CNKSR3: variants seen among roughly 807,000 people sequenced by gnomAD.
CNKSR3 encodes CNKSR family member 3.
In CNKSR3, 36 loss-of-function variants were observed where a neutral mutation model predicts 67.7. The observed-to-expected ratio is 0.53, with a 90% CI of 0.41 to 0.70. The LOEUF is 0.70. CNKSR3 is among the 30% of genes least tolerant of loss of function. The pLI is 0.00. For missense variants in CNKSR3, 630 were observed against 695.2 expected, an observed-to-expected ratio of 0.91 and a Z score of 1.05; for synonymous variants, 281 against 271.4, an observed-to-expected ratio of 1.04 and a Z score of -0.35.
Position 154,510,322 on chromosome 6 carries a change from C to G in CNKSR3, c.-208G>C, listed in dbSNP as rs1787190558. The G allele has an allele frequency of 1.8e-6, 1 of 566,332 alleles. No individual in the cohort carries two copies. Among genetic ancestry groups the G allele is most frequent in the Non-Finnish European group, 3.1e-6 (1 of 323,286 alleles). The allele number at this position is 566,332 out of a possible 1,614,324, so 35.1% of individuals were successfully genotyped here. A position where few individuals can be genotyped will look rare whatever the true frequency, so the allele number is the denominator to read the frequency against. On this transcript the variant is annotated 5_prime_UTR_variant, in exon 1 of 13. Coordinates refer to ENST00000607772, the MANE Select transcript of CNKSR3 (RefSeq NM_173515.4). ...GCCCTCTCCCTCCAGCTGCCACAGT[C>G]CAGCTGCAGCTCCTCCTTCCCCCGC...
intron 1 of CNKSR3, among the ~76,000 whole-genome samples, chr6:154,488,192 A>G (rs1342667634): frequency 1.3e-5 from 2 of 152,202 alleles, no homozygotes; most frequent in African/African-American, 4.8e-5. Flanking sequence ...ACCACCAAAG[A>G]TGATAATTAC....
intron 4 of CNKSR3, among the ~76,000 whole-genome samples, chr6:154,434,932 G>A (rs1345476145): frequency 1.3e-5 from 2 of 151,078 alleles, no homozygotes; most frequent in African/African-American, 4.9e-5. Context: ...ATACATATGT[G>A]ATCGTGTGCT....
chr6:154,438,231 TTG>T (rs1171579189), intron 4 of CNKSR3, among the ~76,000 whole-genome samples: 5 of 152,200 alleles, frequency 3.3e-5, no homozygotes, highest in Non-Finnish European at 7.3e-5. Flanking sequence ...ATAAAATTTT[TTG>T]TTCTCTTTTT....
At position 154,388,566 on chromosome 6, in the gene CNKSR3, T is replaced by C. The variant is rs1390250357; in HGVS notation, c.*17788A>G. ...GCTAGGTCACATGGCAGTTCTATTT[T>C]TACATTTTTTAGGAACACCCATACT... On this transcript the variant is annotated 3_prime_UTR_variant, in exon 13 of 13. Transcript: ENST00000607772. 1 of 152,196 alleles carries C rather than the reference T, an allele frequency of 6.6e-6. No individual in the cohort carries two copies. Among genetic ancestry groups the C allele is most frequent in the Non-Finnish European group, 1.5e-5 (1 of 68,026 alleles). The allele number at this position is 152,196 out of a possible 1,614,324, so 9.4% of individuals were successfully genotyped here.
In CNKSR3 at chr6:154,426,868, T is replaced by C. The variant is rs180752290; in HGVS notation, c.729+1260A>G. On this transcript the variant is annotated intron_variant, in intron 7 of 12. Transcript: ENST00000607772. ...CTAAAAACTGAAAAGACATTCACCATGTTTCTCTTCCATACAAACAGATAT... is the reference window on the plus strand; with the variant it reads ...CTAAAAACTGAAAAGACATTCACCACGTTTCTCTTCCATACAAACAGATAT... 2.6e-5 allele frequency among the ~76,000 whole-genome samples: 4 copies of C among 152,348 alleles called. No individual in the cohort carries two copies. In the East Asian group the frequency reaches 5.8e-4, roughly 22 times the overall value.
chr6:154,499,037 T>G (rs1046146463), intron 1 of CNKSR3, among the ~76,000 whole-genome samples: 5 of 152,110 alleles, frequency 3.3e-5, no homozygotes, highest in Non-Finnish European at 7.3e-5. Context: ...GCCCCTTCTG[T>G]GTGTTCCTGG....
chr6:154,419,948 C>T (rs1448323769), intron 9 of CNKSR3, among the ~76,000 whole-genome samples: 3 of 151,980 alleles, frequency 2.0e-5, no homozygotes, highest in South Asian at 2.1e-4. Context: ...GGCGTAGTGG[C>T]GGGCACTTGT....
At chr6:154,485,627 G>A (rs944332828) in intron 1 of CNKSR3, among the ~76,000 whole-genome samples, 2 of 152,132 alleles carry the variant, frequency 1.3e-5, no homozygotes, top group Non-Finnish European at 2.9e-5. Context: ...CGTGATTCAC[G>A]TCACTCCAGG....
At chr6:154,429,514 T>A (rs900746710) in intron 6 of CNKSR3, among the ~76,000 whole-genome samples, 2 of 152,182 alleles carry the variant, frequency 1.3e-5, no homozygotes, top group Non-Finnish European at 2.9e-5. Context: ...TAAACCTACC[T>A]CCAGGAAGTC....
intron 9 of CNKSR3, among the ~76,000 whole-genome samples, chr6:154,419,886 A>G (rs1435943655): frequency 6.6e-6 from 1 of 151,824 alleles, no homozygotes; most frequent in Admixed American, 6.6e-5. Flanking sequence ...TTGAGACCAG[A>G]CTGGCCAATA....
At chr6:154,477,540 C>T (rs1249472134) in intron 1 of CNKSR3, among the ~76,000 whole-genome samples, 1 of 151,596 alleles carries the variant, frequency 6.6e-6, no homozygotes, top group South Asian at 2.1e-4. Flanking sequence ...AGGCTGGTCT[C>T]GAACTCCTGA....
At position 154,410,926 on chromosome 6, in the gene CNKSR3, A is replaced by G. The variant is rs1306380717; in HGVS notation, c.1279+8T>C. 6.2e-7 allele frequency: 1 copy of G among 1,605,996 alleles called. No individual in the cohort carries two copies. The highest frequency in any genetic ancestry group is 8.5e-7 in the Non-Finnish European group (1 of 1,175,124). On this transcript the variant is annotated splice_region_variant and intron_variant, in intron 11 of 12. Transcript: ENST00000607772. ...AACGGCAGAACAAAACAAACACTTG[A>G]AACTTACCATAAGATGGTGTTTTCT...
intron 1 of CNKSR3, among the ~76,000 whole-genome samples, chr6:154,486,754 A>C (rs1448616898): frequency 6.6e-6 from 1 of 152,090 alleles, no homozygotes; most frequent in Non-Finnish European, 1.5e-5. Context: ...TCGGCCTCCC[A>C]AAGTGCTAAG....
chr6:154,404,899 G>A lies in CNKSR3; in HGVS notation c.*1455C>T, dbSNP rs1458550190. The A allele has an allele frequency of 6.6e-6, 1 of 152,130 alleles. No individual in the cohort carries two copies. The highest frequency in any genetic ancestry group is 1.5e-5 in the Non-Finnish European group (1 of 68,026). 9.4% of individuals were successfully genotyped at this position (152,130 alleles called of 1,614,324 possible). ...CAGTCACAGTAATTATACATGAGTG[G>A]TTGCTAGTTCCTTTAACCACACCAG... On this transcript the variant is annotated 3_prime_UTR_variant, in exon 13 of 13. Coordinates refer to ENST00000607772, the MANE Select transcript of CNKSR3 (RefSeq NM_173515.4).
chr6:154,410,100 C>G (rs1784877046), intron 12 of CNKSR3, among the ~76,000 whole-genome samples: 1 of 152,156 alleles, frequency 6.6e-6, no homozygotes, highest in African/African-American at 2.4e-5. Flanking sequence ...CTTTTTACAG[C>G]ACTCAATGCT....
At chr6:154,422,180 G>A (rs1443484702) in intron 9 of CNKSR3, among the ~76,000 whole-genome samples, 3 of 152,026 alleles carry the variant, frequency 2.0e-5, no homozygotes, top group Non-Finnish European at 4.4e-5. Context: ...TTTTAGTAGA[G>A]ACGGGGTTTC....
Position 154,406,356 on chromosome 6 carries a change from A to G in CNKSR3, c.1666T>C (p.Ter556ArgextTer42). The G allele has an allele frequency of 1.2e-6, 2 of 1,610,450 alleles. No individual in the cohort carries two copies. The highest frequency in any genetic ancestry group is 1.7e-6 in the Non-Finnish European group (2 of 1,178,686). The stretch of plus-strand genomic sequence containing the variant: ...AGGTGGCCTGAGCAGGGTCCCTCTC[A>G]GTGAGTCAACAGTTTGAGGCGCGTA... ...WFTRLKLLTH* is the reference protein window; with the variant it reads ...WFTRLKLLTHR Residue 556 changes from the stop codon to arginine, a stop_lost, in exon 13 of 13, where the codon TGA becomes CGA. Coordinates refer to ENST00000607772, the MANE Select transcript of CNKSR3 (RefSeq NM_173515.4).
chr6:154,476,457 CAA>C lies in CNKSR3; in HGVS notation c.53-26201_53-26200del, dbSNP rs11332561. On this transcript the variant is annotated intron_variant, in intron 1 of 12. Coordinates refer to ENST00000607772, the MANE Select transcript of CNKSR3 (RefSeq NM_173515.4). ...GGGCAACAAGAGCGAAACTATGTCTCAAAAAAAAAAAAAAAAAAAGACAGACC... is the reference window on the plus strand; with the variant it reads ...GGGCAACAAGAGCGAAACTATGTCTCAAAAAAAAAAAAAAAAAGACAGACC... 2.1e-3 allele frequency among the ~76,000 whole-genome samples: 231 copies of C among 110,780 alleles called. 1 individual carries two copies. The highest frequency in any genetic ancestry group is 5.0e-3 in the Middle Eastern group (1 of 200). The allele number at this position is 110,780 out of a possible 152,430, so 72.7% of individuals were successfully genotyped here.
chr6:154,467,085 G>T (rs995555323), intron 1 of CNKSR3, among the ~76,000 whole-genome samples: 2 of 152,108 alleles, frequency 1.3e-5, no homozygotes, highest in Admixed American at 1.3e-4. Flanking sequence ...TCCAGTTAGA[G>T]CCCTCAAATG....
Sources: gnomAD v4.1 joint callset for allele counts (sites outside exome capture counted in the v4.1 genomes callset) on GRCh38, gnomAD v4.1.1 for gene constraint, MANE v1.5 for transcripts, NCBI Gene and HGNC (gene_info 2026-07-23, HGNC 2026-07-21) for gene names.